The following GABRB3 variants were observed in gnomAD, a reference collection of about 807,000 sequenced individuals.
The protein encoded by GABRB3 is gamma-aminobutyric acid type A receptor subunit beta3.
Under a neutral mutation model 52.1 loss-of-function variants are expected in GABRB3, and 14 were observed. That is an observed-to-expected ratio of 0.27 (90% CI 0.18 to 0.42). The LOEUF is 0.42. GABRB3 is among the 10% of genes least tolerant of loss of function. The pLI, the probability that GABRB3 is intolerant of heterozygous loss-of-function variation, is 1.00. For missense variants in GABRB3, 307 were observed against 609.1 expected, an observed-to-expected ratio of 0.50 and a Z score of 5.22; for synonymous variants, 260 against 232.3, an observed-to-expected ratio of 1.12 and a Z score of -1.08.
chr15:26,637,991 A>G (rs1345798979), intron 3 of GABRB3, among the ~76,000 whole-genome samples: 4 of 152,134 alleles, frequency 2.6e-5, no homozygotes, highest in Admixed American at 2.0e-4. Flanking sequence ...GCAGCTTACA[A>G]TGCTTTCACT....
intron 3 of GABRB3, among the ~76,000 whole-genome samples, chr15:26,623,324 CT>C (rs1195805490): frequency 6.6e-6 from 1 of 152,220 alleles, no homozygotes; most frequent in Non-Finnish European, 1.5e-5. Flanking sequence ...ATGAAAGCCA[CT>C]GATAGTTTCC....
At chr15:26,613,641 A>T (rs1566774694) in intron 4 of GABRB3, 1 of 152,142 alleles carries the variant, frequency 6.6e-6, no homozygotes, top group South Asian at 2.1e-4. Flanking sequence ...TTGGGGATGG[A>T]ATAATGAACA....
chr15:26,644,422 C>T (rs775084981), intron 3 of GABRB3, among the ~76,000 whole-genome samples: 18 of 152,290 alleles, frequency 1.2e-4, no homozygotes, highest in Non-Finnish European at 2.1e-4. Context: ...GAGACAGACA[C>T]GCACACAGAG....
intron 3 of GABRB3, among the ~76,000 whole-genome samples, chr15:26,751,589 C>T (rs1412048020): frequency 6.6e-6 from 1 of 151,848 alleles, no homozygotes; most frequent in Non-Finnish European, 1.5e-5. Flanking sequence ...CTATTATTTC[C>T]AAAGCACCCT....
intron 3 of GABRB3, among the ~76,000 whole-genome samples, chr15:26,746,454 C>T (rs1489741725): frequency 1.3e-5 from 2 of 152,058 alleles, no homozygotes; most frequent in East Asian, 3.9e-4. Context: ...GTTCAGTCTA[C>T]CAATTTTTCC....
At chr15:26,711,117 T>C (rs745857803) in intron 3 of GABRB3, among the ~76,000 whole-genome samples, 2 of 152,256 alleles carry the variant, frequency 1.3e-5, no homozygotes, top group Non-Finnish European at 2.9e-5. Context: ...CCAATTCATC[T>C]GGCAAATGGA....
chr15:26,737,905 G>C (rs942791924), intron 3 of GABRB3, among the ~76,000 whole-genome samples: 1 of 152,072 alleles, frequency 6.6e-6, no homozygotes, highest in Non-Finnish European at 1.5e-5. Context: ...TTACTCACTG[G>C]ACACTGAGTT....
chr15:26,555,495 C>T (rs994356598), intron 8 of GABRB3, among the ~76,000 whole-genome samples: 7 of 152,156 alleles, frequency 4.6e-5, no homozygotes, highest in Admixed American at 2.0e-4. Flanking sequence ...ACCTCACGAA[C>T]GTGGGTCTCT....
intron 4 of GABRB3, among the ~76,000 whole-genome samples, chr15:26,586,626 TG>T (rs1480942456): frequency 7.4e-6 from 1 of 135,570 alleles, no homozygotes; most frequent in Admixed American, 8.8e-5. Context: ...CCCATTTCAG[TG>T]AGCTGAGATG....
chr15:26,718,475 C>T (rs1215771612), intron 3 of GABRB3, among the ~76,000 whole-genome samples: 1 of 152,212 alleles, frequency 6.6e-6, no homozygotes. Context: ...TCCCAAAGTG[C>T]TGGGATTACA....
In GABRB3 at chr15:26,730,876, T is replaced by C. The variant is rs565031832; in HGVS notation, c.240+41526A>G. On this transcript the variant is annotated intron_variant, in intron 3 of 8. Transcript: ENST00000311550. Reference sequence around the variant, plus strand: ...GTGAAATACTTTTCTCATAGGAGCATTGTAAGCAGCAAATGAACTCACACA... The same window carrying C: ...GTGAAATACTTTTCTCATAGGAGCACTGTAAGCAGCAAATGAACTCACACA... Among the ~76,000 whole-genome samples the C allele has an allele frequency of 5.9e-5, 9 of 152,332 alleles. No homozygotes were observed. In the East Asian group the frequency reaches 9.6e-4, roughly 16 times the overall value.
At chr15:26,711,907 CT>C (rs1319422166) in intron 3 of GABRB3, among the ~76,000 whole-genome samples, 8 of 152,196 alleles carry the variant, frequency 5.3e-5, no homozygotes, top group African/African-American at 1.4e-4. Flanking sequence ...GGAAAAGCTG[CT>C]TTGGAAACAG....
At chr15:26,616,557 C>G (rs895171078) in intron 4 of GABRB3, among the ~76,000 whole-genome samples, 1 of 150,678 alleles carries the variant, frequency 6.6e-6, no homozygotes, top group African/African-American at 2.5e-5. Flanking sequence ...TTTCAAAAAT[C>G]TGATGCTCTA....
At chr15:26,761,603 G>C (rs934765612) in intron 3 of GABRB3, among the ~76,000 whole-genome samples, 27 of 151,958 alleles carry the variant, frequency 1.8e-4, no homozygotes, top group Admixed American at 1.6e-3. Context: ...GTATATAATA[G>C]AATATATTCA....
chr15:26,568,462 G>A (rs1595446562), intron 6 of GABRB3, among the ~76,000 whole-genome samples: 1 of 151,266 alleles, frequency 6.6e-6, no homozygotes. Context: ...CACATTCAGC[G>A]CTATATTTGC....
chr15:26,585,853 T>C (rs1890961090), intron 4 of GABRB3, among the ~76,000 whole-genome samples: 1 of 152,214 alleles, frequency 6.6e-6, no homozygotes. Context: ...CTCTGGCATG[T>C]GTTATGGCAG....
chr15:26,615,284 T>C, intron 4 of GABRB3: 1 of 985,440 alleles, frequency 1.0e-6, no homozygotes, highest in Non-Finnish European at 1.2e-6. Context: ...ATGGTTTGAC[T>C]GTCCAAAGGA....
chr15:26,764,280 G>A (rs1431036067), intron 3 of GABRB3, among the ~76,000 whole-genome samples: 1 of 135,422 alleles, frequency 7.4e-6, no homozygotes. Context: ...TACATAAAAG[G>A]AATTCTTTTA....
In GABRB3 at chr15:26,548,082, A is replaced by C; in HGVS notation, c.1133T>G (p.Met378Arg). ...GCCAATGCCGCCTGAGACCTCATTC[A>C]TTTCATTGTGAACTTCCAGCGATGT... ...LLTSLEVHNEMNEVSGGIGDT... is the reference protein window; with the variant it reads ...LLTSLEVHNERNEVSGGIGDT... The change falls in exon 9 of 9, where the codon ATG (methionine) becomes AGG (arginine). Residue 378 changes from methionine (M) to arginine (R), a missense_variant. Coordinates refer to ENST00000311550, the MANE Select transcript of GABRB3 (RefSeq NM_000814.6). 6.2e-7 allele frequency: 1 copy of C among 1,614,116 alleles called. No individual in the cohort carries two copies. Among genetic ancestry groups the C allele is most frequent in the Non-Finnish European group, 8.5e-7 (1 of 1,180,024 alleles).
Sources: gnomAD v4.1 joint callset for allele counts (sites outside exome capture counted in the v4.1 genomes callset) on GRCh38, gnomAD v4.1.1 for gene constraint, MANE v1.5 for transcripts, NCBI Gene and HGNC (gene_info 2026-07-23, HGNC 2026-07-21) for gene names.